The following ACD variants were observed in gnomAD, a reference collection of about 807,000 sequenced individuals.
The protein encoded by ACD is adrenocortical dysplasia protein homolog.
A neutral mutation model predicts 53.9 loss-of-function variants in ACD; 39 were observed. The ratio of observed to expected loss-of-function variants is 0.72; its 90% CI spans 0.56 to 0.95. The LOEUF (loss-of-function observed/expected upper bound fraction) is 0.95. Ranked by LOEUF, ACD falls within the 40% of genes least tolerant of loss-of-function variation. The probability of loss-of-function intolerance (pLI) is 0.00; values close to 1 mark genes in which losing one functional copy is unlikely to be tolerated. For missense variants in ACD, 526 were observed against 587.9 expected (o/e 0.89, Z 1.09); for synonymous variants, 273 against 249.2 (o/e 1.10, Z -0.90).
At position 67,658,497 on chromosome 16, in the gene ACD, G is replaced by A. The variant is rs1011451663; in HGVS notation, c.829+58C>T. 155 of 1,574,360 alleles carry A rather than the reference G, an allele frequency of 9.8e-5. 1 individual carries two copies. The Admixed American group carries it at 1.0e-3, about 10-fold the overall frequency. On this transcript the variant is annotated intron_variant, in intron 9 of 11. Coordinates refer to ENST00000620761, the MANE Select transcript of ACD (RefSeq NM_001082486.2). ...TGCACCTTTCACAGCATCCTGCGCA[G>A]CCCGGGAACCTGACTGACAGGCGGC...
Position 67,659,930 on chromosome 16 carries a change from G to T in ACD, c.215C>A (p.Thr72Lys). 6.2e-7 allele frequency: 1 copy of T among 1,604,564 alleles called. No individual in the cohort carries two copies. The highest frequency in any genetic ancestry group is 8.5e-7 in the Non-Finnish European group (1 of 1,176,556). Residue 72 changes from threonine to lysine, a missense_variant, in exon 2 of 12, where the codon ACG becomes AAG. Thr to Lys is a moderately conservative substitution (Grantham distance 78). Transcript: ENST00000620761. ...GTCCGAGGTGTCCAGGGCCTCCCGC[G>T]TCACCAGGCATCGGACACTGTGGGT... ...DGTHSVRCLV[T>K]REALDTSDWE... is the part of the protein sequence containing the mutation.
chr16:67,658,860 G>A lies in ACD; in HGVS notation c.646-44C>T, dbSNP rs57602171. 2.3e-4 allele frequency: 361 copies of A among 1,603,110 alleles called. No homozygotes were observed. The African/African-American group carries it at 4.2e-3, about 19-fold the overall frequency. Reference sequence around the variant, plus strand: ...GTAGGACAGGCCCGTTTACTCTCATGTCCTGTGGGATATGACCCTTGCCCA... The same window carrying A: ...GTAGGACAGGCCCGTTTACTCTCATATCCTGTGGGATATGACCCTTGCCCA... On this transcript the variant is annotated intron_variant, in intron 7 of 11. Transcript: ENST00000620761.
rs368882788 is a variant in ACD at position 67,659,090 on chromosome 16, G to A, written c.494-11C>T. ...GGGACAGTGATAGGCCTGGGGACAG[G>A]GGACCATGGGATGAGTCAAGGCTTA... On this transcript the variant is annotated splice_polypyrimidine_tract_variant and intron_variant, in intron 6 of 11. Coordinates refer to ENST00000620761, the MANE Select transcript of ACD (RefSeq NM_001082486.2). 7.4e-6 allele frequency: 12 copies of A among 1,613,180 alleles called. No homozygotes were observed. The highest frequency in any genetic ancestry group is 1.0e-5 in the Non-Finnish European group (12 of 1,179,470).
At chr16:67,658,478 T>C in intron 9 of ACD, 77 bp downstream of exon 9, 8 of 1,588,108 alleles carry the variant, frequency 5.0e-6, no homozygotes, top group Non-Finnish European at 6.9e-6. Context: ...ACCGTGCACC[T>C]TTCACAGCAT....
chr16:67,658,371 G>A lies in ACD; in HGVS notation c.830-9C>T, dbSNP rs370161022. On this transcript the variant is annotated splice_polypyrimidine_tract_variant and intron_variant, in intron 9 of 11. Transcript: ENST00000620761. ...GGGTAAGGCCGGGGTTCCTGAGGAG[G>A]AGGGGACTTATTGTAGGCACAGCCC... 32 of 1,613,386 alleles carry A rather than the reference G, an allele frequency of 2.0e-5. No individual in the cohort carries two copies. In the African/African-American group the frequency reaches 3.9e-4, roughly 20 times the overall value.
chr16:67,659,012 G>A lies in ACD; in HGVS notation c.561C>T (p.Cys187=). 2 of 1,613,918 alleles carry A rather than the reference G, an allele frequency of 1.2e-6. No homozygotes were observed. The part of the protein sequence containing the change: ...EDQEHQGALV[C]LAESCLTLEG... ...CCAGTGTCAGGCAGCTTTCAGCCAG[G>A]CACACGAGTGCCCCCTGATGCTCCT... The change falls in exon 7 of 12, where the codon TGC becomes TGT. Residue 187 remains cysteine (C), a synonymous_variant. Transcript: ENST00000620761.
chr16:67,660,038 T>C lies in ACD; in HGVS notation c.107A>G (p.Gln36Arg), dbSNP rs146699133. The change falls in exon 2 of 12, where the codon CAG becomes CGG. Residue 36 changes from glutamine to arginine, a missense_variant. Transcript: ENST00000620761. The stretch of plus-strand genomic sequence containing the variant: ...GCCCGCGACCGCGGCCTCGGCGTCC[T>C]GTAGTACCTGACGGCGGCGAGCGGC... ...PRAGQLLEVL[Q>R]DAEAAVAGPS... The C allele has an allele frequency of 2.2e-5, 35 of 1,607,848 alleles. No homozygotes were observed. In the African/African-American group the frequency reaches 3.5e-4, roughly 16 times the overall value.
Position 67,657,893 on chromosome 16 carries a change from C to G in ACD, c.1207-40G>C. 3 of 1,613,332 alleles carry G rather than the reference C, an allele frequency of 1.9e-6. No individual in the cohort carries two copies. Among genetic ancestry groups the G allele is most frequent in the Non-Finnish European group, 2.5e-6 (3 of 1,179,680 alleles). ...GTGTCTGGGGAAGAGCTAACAAGGA[C>G]CCCAACCCCATCCAAGGCTACCCAT... On this transcript the variant is annotated intron_variant, in intron 10 of 11. Coordinates refer to ENST00000620761, the MANE Select transcript of ACD (RefSeq NM_001082486.2). The surrounding 1 kb of genome is among the most constrained non-coding windows in gnomAD (Gnocchi z 4.5).
rs775801235 is a variant in ACD at position 67,657,542 on chromosome 16, G to A, written c.*64C>T. The A allele has an allele frequency of 2.5e-6, 4 of 1,613,798 alleles. No individual in the cohort carries two copies. Among genetic ancestry groups the A allele is most frequent in the African/African-American group, 2.7e-5 (2 of 75,054 alleles). The stretch of plus-strand genomic sequence containing the variant: ...GATCCTCTCCTCTCCTGCCGCATGA[G>A]ATTATTTTATTAAAAAACTCAAAGG... On this transcript the variant is annotated 3_prime_UTR_variant, in exon 12 of 12. Transcript: ENST00000620761. The surrounding 1 kb of genome is among the most constrained non-coding windows in gnomAD (Gnocchi z 4.5).
chr16:67,658,368 G>T lies in ACD; in HGVS notation c.830-6C>A. ...GCCGGGTAAGGCCGGGGTTCCTGAGGAGGAGGGGACTTATTGTAGGCACAG... is the reference window on the plus strand; with the variant it reads ...GCCGGGTAAGGCCGGGGTTCCTGAGTAGGAGGGGACTTATTGTAGGCACAG... On this transcript the variant is annotated splice_region_variant and splice_polypyrimidine_tract_variant and intron_variant, in intron 9 of 11. Coordinates refer to ENST00000620761, the MANE Select transcript of ACD (RefSeq NM_001082486.2). 6.2e-7 allele frequency: 1 copy of T among 1,613,536 alleles called. No homozygotes were observed.
chr16:67,659,354 C>T (rs1389516500), intron 5 of ACD, 21 bp downstream of exon 5: 2 of 1,613,924 alleles, frequency 1.2e-6, no homozygotes, highest in East Asian at 4.5e-5. Flanking sequence ...ACGTGGCCCC[C>T]GAGCCCAACC....
chr16:67,657,717 GCCT>G lies in ACD; in HGVS notation c.1299-36_1299-34del. On this transcript the variant is annotated intron_variant, in intron 11 of 11. Transcript: ENST00000620761. This position sits in a 1 kb window ranked among gnomAD's most constrained non-coding sequence, Gnocchi z 4.5. ...GAAACCACCGCTGCAGGTCAATGGA[GCCT>G]GGGACTAGTGACCAAGAGTTGGGGC... is the stretch of plus-strand genomic sequence containing the variant. The G allele has an allele frequency of 6.2e-7, 1 of 1,614,060 alleles. No individual in the cohort carries two copies. Among genetic ancestry groups the G allele is most frequent in the South Asian group, 1.1e-5 (1 of 91,074 alleles).
At position 67,660,083 on chromosome 16, in the gene ACD, G is replaced by A; in HGVS notation, c.100-38C>T. 1.2e-6 allele frequency: 2 copies of A among 1,611,056 alleles called. 1 individual carries two copies. The highest frequency in any genetic ancestry group is 2.2e-5 in the South Asian group (2 of 91,022). On this transcript the variant is annotated intron_variant, in intron 1 of 11. Coordinates refer to ENST00000620761, the MANE Select transcript of ACD (RefSeq NM_001082486.2). ...AGCGGCGTCAATCCCACCACCCCGGGCCTCCGCCTCGGTCTCCGGGCCCTG... is the reference window on the plus strand; with the variant it reads ...AGCGGCGTCAATCCCACCACCCCGGACCTCCGCCTCGGTCTCCGGGCCCTG...
chr16:67,658,138 T>A lies in ACD; in HGVS notation c.1054A>T (p.Ser352Cys). The change falls in exon 10 of 12, where the codon AGC becomes TGC. Residue 352 changes from serine (S) to cysteine (C), a missense_variant. Transcript: ENST00000620761. ...GCCTGGTGTGGACTGGGGACATGGC[T>A]ACGGGGTGAGAGACTGGGAGTGCAG... ...QSCTPSLSPR[S>C]HVPSPHQALV... is the part of the protein sequence containing the mutation. The A allele has an allele frequency of 6.2e-7, 1 of 1,601,286 alleles. No homozygotes were observed. The highest frequency in any genetic ancestry group is 8.5e-7 in the Non-Finnish European group (1 of 1,172,886).
At position 67,657,915 on chromosome 16, in the gene ACD, C is replaced by T; in HGVS notation, c.1207-62G>A. 1 of 1,611,524 alleles carries T rather than the reference C, an allele frequency of 6.2e-7. No homozygotes were observed. The highest frequency in any genetic ancestry group is 8.5e-7 in the Non-Finnish European group (1 of 1,178,466). ...GGACCCCAACCCCATCCAAGGCTAC[C>T]CATGCTCCCTCCCAGCTCTACCTCA... On this transcript the variant is annotated intron_variant, in intron 10 of 11. Transcript: ENST00000620761. This position sits in a 1 kb window ranked among gnomAD's most constrained non-coding sequence, Gnocchi z 4.5.
chr16:67,659,982 CGACGTCG>C lies in ACD; in HGVS notation c.156_162del (p.Asp53GlyfsTer17). 1 of 1,608,852 alleles carries C rather than the reference CGACGTCG, an allele frequency of 6.2e-7. No individual in the cohort carries two copies. Among genetic ancestry groups the C allele is most frequent in the Non-Finnish European group, 8.5e-7 (1 of 1,178,966 alleles). On this transcript the variant is annotated frameshift_variant, in exon 2 of 12. Coordinates refer to ENST00000620761, the MANE Select transcript of ACD (RefSeq NM_001082486.2). LOFTEE classifies it high-confidence loss of function. Reference sequence around the variant, plus strand: ...CCGTCAGACACAAGCAGCGTGGCCCCGACGTCGGACGTATCAGGGGCGTGGGATGGGC... The same window carrying C: ...CCGTCAGACACAAGCAGCGTGGCCCCGACGTATCAGGGGCGTGGGATGGGC...
rs771622489 is a variant in ACD at position 67,657,525 on chromosome 16, C to T, written c.*81G>A. 3.7e-6 allele frequency: 6 copies of T among 1,613,676 alleles called. No homozygotes were observed. In the East Asian group the frequency reaches 1.3e-4, roughly 36 times the overall value. On this transcript the variant is annotated 3_prime_UTR_variant, in exon 12 of 12. Coordinates refer to ENST00000620761, the MANE Select transcript of ACD (RefSeq NM_001082486.2). The surrounding 1 kb of genome is among the most constrained non-coding windows in gnomAD (Gnocchi z 4.5). ...CGGCGGCCCCAATCCCTGATCCTCT[C>T]CTCTCCTGCCGCATGAGATTATTTT...
rs559925997 is a variant in ACD at position 67,658,696 on chromosome 16, C to T, written c.742+24G>A. ...TGTGGACCTGGGCCCCAGGTATCCC[C>T]CCAACCTCTCCAGTCCCCCTTACCC... On this transcript the variant is annotated intron_variant, in intron 8 of 11. Coordinates refer to ENST00000620761, the MANE Select transcript of ACD (RefSeq NM_001082486.2). The T allele has an allele frequency of 2.5e-6, 4 of 1,598,908 alleles. No individual in the cohort carries two copies. The East Asian group carries it at 9.0e-5, about 36-fold the overall frequency.
At position 67,658,994 on chromosome 16, in the gene ACD, C is replaced by T; in HGVS notation, c.579G>A (p.Leu193=). ...GTGCTGTGCAAGGGCCCTCCAGTGT[C>T]AGGCAGCTTTCAGCCAGGCACACGA... is the stretch of plus-strand genomic sequence containing the variant. ...GALVCLAESC[L]TLEGPCTAPP... The change falls in exon 7 of 12, where the codon CTG becomes CTA. Residue 193 remains leucine (L), a synonymous_variant. Transcript: ENST00000620761. 1 of 1,613,944 alleles carries T rather than the reference C, an allele frequency of 6.2e-7. No individual in the cohort carries two copies. Among genetic ancestry groups the T allele is most frequent in the Non-Finnish European group, 8.5e-7 (1 of 1,180,034 alleles).
Sources: allele counts gnomAD v4.1 joint callset, GRCh38; gene constraint gnomAD v4.1.1; non-coding constraint Gnocchi (gnomAD v3.1); transcripts MANE v1.5; gene names NCBI Gene and HGNC (gene_info 2026-07-23, HGNC 2026-07-21).